MAST2: variants seen among roughly 807,000 people sequenced by gnomAD.
MAST2 encodes the protein microtubule-associated serine/threonine-protein kinase 2.
Under a neutral mutation model 147.4 loss-of-function variants are expected in MAST2, and 70 were observed. The observed-to-expected ratio is 0.47, with a 90% CI of 0.39 to 0.58. The LOEUF (loss-of-function observed/expected upper bound fraction) is 0.58, where lower values mean the gene tolerates loss of function less well. MAST2 is among the 20% of genes least tolerant of loss of function. The pLI is 0.00. For missense variants in MAST2, 2,080 were observed against 2,302.3 expected, an observed-to-expected ratio of 0.90 and a Z score of 1.98; for synonymous variants, 869 against 896.8, an observed-to-expected ratio of 0.97 and a Z score of 0.55.
intron 4 of MAST2, among the ~76,000 whole-genome samples, chr1:45,882,844 G>C (rs1285224445): frequency 2.0e-5 from 3 of 152,214 alleles, no homozygotes; most frequent in African/African-American, 7.2e-5. Flanking sequence ...ATGTTGAATG[G>C]AATAGGTTCC....
chr1:45,925,408 C>T (rs1009133187), intron 4 of MAST2, among the ~76,000 whole-genome samples: 12 of 152,320 alleles, frequency 7.9e-5, no homozygotes, highest in African/African-American at 2.9e-4. Flanking sequence ...CTAACCTTTA[C>T]TCCATTTGCA....
rs557551295 is a variant in MAST2 at position 45,998,069 on chromosome 1, CT to C, written c.668+280del. On this transcript the variant is annotated intron_variant, in intron 6 of 28. Transcript: ENST00000361297. ...AAAGTAGATTTATTTGTATAATTCA[CT>C]TTTTTTTTTAAGTCCCTGATGTCCT... 1.4e-3 allele frequency among the ~76,000 whole-genome samples: 206 copies of C among 149,418 alleles called. 2 individuals are homozygous for C. In the South Asian group the frequency reaches 0.026, roughly 19 times the overall value.
chr1:45,812,102 TG>T (rs1644320969), intron 1 of MAST2, among the ~76,000 whole-genome samples: 1 of 152,122 alleles, frequency 6.6e-6, no homozygotes, highest in Non-Finnish European at 1.5e-5. Context: ...GTGTTTTAGT[TG>T]GATTACTCTG....
At chr1:45,970,393 G>A (rs1643869857) in intron 5 of MAST2, among the ~76,000 whole-genome samples, 1 of 152,078 alleles carries the variant, frequency 6.6e-6, no homozygotes, top group Non-Finnish European at 1.5e-5. Context: ...TGCCGGGCAC[G>A]GTGGCTCACA....
At chr1:45,811,100 C>G (rs1190114974) in intron 1 of MAST2, among the ~76,000 whole-genome samples, 1 of 151,476 alleles carries the variant, frequency 6.6e-6, no homozygotes, top group Non-Finnish European at 1.5e-5. Flanking sequence ...ATCCACCTGG[C>G]TCGGCCTCTC....
At chr1:45,947,094 A>C (rs1658150461) in intron 4 of MAST2, among the ~76,000 whole-genome samples, 1 of 152,186 alleles carries the variant, frequency 6.6e-6, no homozygotes, top group South Asian at 2.1e-4. Flanking sequence ...ATCTTGACTT[A>C]GGGAAAGCTA....
chr1:45,943,006 A>T (rs921742952), intron 4 of MAST2, among the ~76,000 whole-genome samples: 20 of 152,314 alleles, frequency 1.3e-4, no homozygotes, highest in African/African-American at 4.6e-4. Context: ...TCAATCCCCA[A>T]TTCTGTCCTG....
At chr1:46,028,256 C>T (rs1646498714) in intron 17 of MAST2, among the ~76,000 whole-genome samples, 1 of 152,200 alleles carries the variant, frequency 6.6e-6, no homozygotes, top group Non-Finnish European at 1.5e-5. Flanking sequence ...ACTGTTAGCA[C>T]AGAGTTTCAT....
At chr1:45,900,204 C>A (rs1307504598) in intron 4 of MAST2, among the ~76,000 whole-genome samples, 1 of 116,848 alleles carries the variant, frequency 8.6e-6, no homozygotes, top group Non-Finnish European at 1.8e-5. Context: ...AAGATTTACC[C>A]TTGGGTAGAT....
intron 1 of MAST2, among the ~76,000 whole-genome samples, chr1:45,822,380 C>A (rs554798978): frequency 1.2e-4 from 17 of 137,874 alleles, no homozygotes; most frequent in African/African-American, 4.5e-4. Flanking sequence ...GGTTTTGACT[C>A]GAAGAGACTT....
At chr1:45,876,273 T>C (rs1311319306) in intron 3 of MAST2, among the ~76,000 whole-genome samples, 2 of 152,168 alleles carry the variant, frequency 1.3e-5, no homozygotes, top group Non-Finnish European at 2.9e-5. Context: ...TTAGAGACAT[T>C]GGATGTAGAT....
intron 3 of MAST2, among the ~76,000 whole-genome samples, chr1:45,841,497 T>G (rs1645274858): frequency 6.6e-6 from 1 of 151,992 alleles, no homozygotes; most frequent in Non-Finnish European, 1.5e-5. Context: ...AAGAAATACA[T>G]GTATTCCTTA....
At position 46,035,312 on chromosome 1, in the gene MAST2, C is replaced by A. The variant is rs768414148; in HGVS notation, c.4643C>A (p.Pro1548Gln). The stretch of plus-strand genomic sequence containing the variant: ...GAGAGTGGGGAAGAGGATCCTTTCC[C>A]GTCCAGAGACCCTAGGAGCCTGGGC... ...AGESGEEDPF[P>Q]SRDPRSLGPM... is the part of the protein sequence containing the mutation. Residue 1548 changes from proline to glutamine, a missense_variant, in exon 29 of 29, where the codon CCG becomes CAG. Around this residue, in one of 4 missense-constraint regions of MAST2, gnomAD observed 1,278 missense variants for 1,304.2 expected, o/e 0.98. Transcript: ENST00000361297. The surrounding 1 kb of genome is among the most constrained non-coding windows in gnomAD (Gnocchi z 5.5). The A allele has an allele frequency of 6.2e-7, 1 of 1,613,918 alleles. No individual in the cohort carries two copies. Among genetic ancestry groups the A allele is most frequent in the East Asian group, 2.2e-5 (1 of 44,838 alleles).
Position 46,030,152 on chromosome 1 carries a change from A to G in MAST2, c.2467A>G (p.Met823Val), listed in dbSNP as rs1385606298. ...AGCCCGCTCAGAGCGATACCACCAC[A>G]TGGACTCGGAGGATGAGGAAGAAGT... ...FDTRSERYHH[M>V]DSEDEEEVSE... Residue 823 changes from methionine to valine, a missense_variant, in exon 21 of 29, where the codon ATG (methionine) becomes GTG (valine). Physicochemically the swap from Met to Val is conservative, Grantham distance 21. Transcript: ENST00000361297. The G allele has an allele frequency of 1.9e-6, 3 of 1,614,206 alleles. No individual in the cohort carries two copies. The highest frequency in any genetic ancestry group is 2.5e-6 in the Non-Finnish European group (3 of 1,180,024).
intron 5 of MAST2, among the ~76,000 whole-genome samples, chr1:45,978,858 C>T (rs558408324): frequency 4.0e-5 from 6 of 151,352 alleles, no homozygotes; most frequent in East Asian, 2.0e-4. Context: ...TGCTAACACT[C>T]GAGTAGAGGG....
At chr1:46,022,180 G>A in intron 12 of MAST2, 98 bp downstream of exon 12, 11 of 1,508,144 alleles carry the variant, frequency 7.3e-6, no homozygotes, top group Non-Finnish European at 9.9e-6. Context: ...GCTTGGACAT[G>A]GACACAACAT....
intron 1 of MAST2, among the ~76,000 whole-genome samples, chr1:45,806,282 A>G (rs1202001919): frequency 6.6e-6 from 1 of 152,188 alleles, no homozygotes; most frequent in Non-Finnish European, 1.5e-5. Flanking sequence ...CTGTTTTGTG[A>G]CCAGATTCTT....
At chr1:45,867,528 A>G (rs1462593884) in intron 3 of MAST2, among the ~76,000 whole-genome samples, 1 of 152,192 alleles carries the variant, frequency 6.6e-6, no homozygotes, top group African/African-American at 2.4e-5. Context: ...ATATAACCAC[A>G]GCCAAATTTC....
At chr1:46,019,551 G>C in intron 10 of MAST2, 45 bp from the exon 11 acceptor site, 1 of 1,530,124 alleles carries the variant, frequency 6.5e-7, no homozygotes, top group Non-Finnish European at 9.0e-7. Flanking sequence ...GCTTAGCCCA[G>C]CCACACTGGG....
Sources: gnomAD v4.1 joint callset for allele counts (sites outside exome capture counted in the v4.1 genomes callset) on GRCh38, gnomAD v4.1.1 for gene constraint, gnomAD v4.1.1 regional missense constraint, Gnocchi (gnomAD v3.1) non-coding constraint, MANE v1.5 for transcripts, NCBI Gene and HGNC (gene_info 2026-07-23, HGNC 2026-07-21) for gene names.